RIMS1: variants seen among roughly 807,000 people sequenced by gnomAD.
RIMS1 encodes the protein regulating synaptic membrane exocytosis 1.
Under a neutral mutation model 214.1 loss-of-function variants are expected in RIMS1, and 83 were observed. That is an observed-to-expected ratio of 0.39 (90% CI 0.32 to 0.47). The LOEUF is 0.47. RIMS1 is among the 20% of genes least tolerant of loss of function. The pLI, the probability that RIMS1 is intolerant of heterozygous loss-of-function variation, is 0.99. For missense variants in RIMS1, 2,050 were observed against 2,161.8 expected (o/e 0.95, Z 1.03); for synonymous variants, 793 against 786.8 (o/e 1.01, Z -0.13).
intron 29 of RIMS1, among the ~76,000 whole-genome samples, chr6:72,337,258 G>A (rs1441663105): frequency 6.6e-6 from 1 of 151,678 alleles, no homozygotes; most frequent in Non-Finnish European, 1.5e-5. Flanking sequence ...GTAAGGAATT[G>A]TCTCCCCTCA....
chr6:72,267,632 C>T (rs2081201957), intron 22 of RIMS1, among the ~76,000 whole-genome samples: 1 of 152,144 alleles, frequency 6.6e-6, no homozygotes, highest in Non-Finnish European at 1.5e-5. Flanking sequence ...GGACTAACCA[C>T]ATTACGGTGC....
chr6:72,339,949 G>T (rs1019402689), intron 29 of RIMS1, among the ~76,000 whole-genome samples: 1 of 152,000 alleles, frequency 6.6e-6, no homozygotes, highest in Non-Finnish European at 1.5e-5. Flanking sequence ...AGCACCTGTT[G>T]TTTCCTGACT....
intron 2 of RIMS1, among the ~76,000 whole-genome samples, chr6:71,972,067 C>G (rs553889937): frequency 6.6e-6 from 1 of 151,924 alleles, no homozygotes; most frequent in African/African-American, 2.4e-5. Flanking sequence ...AAAATAAGAG[C>G]GAGCCCTAGG....
chr6:71,978,447 G>T (rs1172701740), intron 2 of RIMS1, among the ~76,000 whole-genome samples: 1 of 152,008 alleles, frequency 6.6e-6, no homozygotes, highest in Non-Finnish European at 1.5e-5. Context: ...CTGATAGTCT[G>T]TTGGGACAGA....
chr6:72,357,646 C>G (rs150442703), intron 29 of RIMS1, among the ~76,000 whole-genome samples: 1 of 152,308 alleles, frequency 6.6e-6, no homozygotes. Context: ...TACTTCCAAG[C>G]TCTTCAGTCT....
intron 29 of RIMS1, among the ~76,000 whole-genome samples, chr6:72,337,335 A>G (rs548253904): frequency 2.0e-5 from 3 of 151,828 alleles, no homozygotes; most frequent in Non-Finnish European, 2.9e-5. Context: ...AAATGAAGGC[A>G]TTATTGGGAA....
chr6:72,380,612 C>T (rs564769039), intron 29 of RIMS1, among the ~76,000 whole-genome samples: 2 of 152,276 alleles, frequency 1.3e-5, no homozygotes, highest in African/African-American at 2.4e-5. Context: ...TTTACTACTA[C>T]TGAGCAAATA....
At chr6:72,020,717 C>A (rs1221245713) in intron 2 of RIMS1, among the ~76,000 whole-genome samples, 1 of 152,172 alleles carries the variant, frequency 6.6e-6, no homozygotes, top group Non-Finnish European at 1.5e-5. Flanking sequence ...CAAAGAACTA[C>A]TGTCTCTTTA....
Position 72,316,943 on chromosome 6 carries a change from G to A in RIMS1, c.4130+3271G>A, listed in dbSNP as rs570234342. ...CTGAGGTGTCCTGCAGTAGAGTGGA[G>A]AGACCAGGCCCTAGGCTCTGTGGAG... On this transcript the variant is annotated intron_variant, in intron 28 of 33. Coordinates refer to ENST00000521978, the MANE Select transcript of RIMS1 (RefSeq NM_014989.7). 2.5e-3 allele frequency: 1,704 copies of A among 669,636 alleles called. 8 individuals are homozygous for A. The highest frequency in any genetic ancestry group is 5.9e-3 in the Middle Eastern group (14 of 2,366). 41.5% of individuals were successfully genotyped at this position (669,636 alleles called of 1,614,324 possible).
At chr6:72,133,295 T>C (rs919135199) in intron 4 of RIMS1, among the ~76,000 whole-genome samples, 2 of 151,586 alleles carry the variant, frequency 1.3e-5, no homozygotes, top group Non-Finnish European at 2.9e-5. Flanking sequence ...AGTGGCTCAG[T>C]CATTCATAGC....
intron 4 of RIMS1, among the ~76,000 whole-genome samples, chr6:72,123,983 A>G (rs1053564466): frequency 1.3e-5 from 2 of 151,760 alleles, no homozygotes; most frequent in African/African-American, 4.8e-5. Context: ...TTTAAGGTTA[A>G]TATTGTTATG....
intron 23 of RIMS1, among the ~76,000 whole-genome samples, chr6:72,282,883 G>C (rs2090828572): frequency 6.6e-6 from 1 of 151,926 alleles, no homozygotes; most frequent in South Asian, 2.1e-4. Context: ...ACATGAGTCT[G>C]AAAACACACA....
intron 6 of RIMS1, among the ~76,000 whole-genome samples, chr6:72,192,073 A>G (rs930123039): frequency 2.0e-5 from 3 of 152,208 alleles, no homozygotes; most frequent in Non-Finnish European, 4.4e-5. Flanking sequence ...GCCAGCTGCT[A>G]AGTACGTCTG....
rs75035004 is a variant in RIMS1 at position 72,098,846 on chromosome 6, G to A, written c.460-1129G>A. On this transcript the variant is annotated intron_variant, in intron 3 of 33. Transcript: ENST00000521978. ...CTCTCCTAATAGTGGTTTGTTATAG[G>A]CAATCATCATATGCCACCTTATAGG... Among the ~76,000 whole-genome samples, 311 of 152,168 alleles carry A rather than the reference G, an allele frequency of 2.0e-3. 1 individual carries two copies. The highest frequency in any genetic ancestry group is 7.2e-3 in the African/African-American group (298 of 41,514).
chr6:72,214,412 A>G (rs888918890), intron 6 of RIMS1, among the ~76,000 whole-genome samples: 2 of 152,108 alleles, frequency 1.3e-5, no homozygotes, highest in Non-Finnish European at 2.9e-5. Context: ...TTTCTGTTAG[A>G]AATGCAATTT....
intron 2 of RIMS1, among the ~76,000 whole-genome samples, chr6:72,005,529 T>C (rs1438940517): frequency 2.0e-5 from 3 of 152,220 alleles, no homozygotes; most frequent in Non-Finnish European, 4.4e-5. Flanking sequence ...TTATTTTAGC[T>C]TAAAAATTAT....
At chr6:72,045,209 T>C (rs2152107529) in intron 2 of RIMS1, among the ~76,000 whole-genome samples, 1 of 151,978 alleles carries the variant, frequency 6.6e-6, no homozygotes, top group East Asian at 1.9e-4. Context: ...TGCAAAGGGA[T>C]ATAAGGGTAC....
At chr6:72,029,997 T>G (rs1052793903) in intron 2 of RIMS1, among the ~76,000 whole-genome samples, 1 of 152,168 alleles carries the variant, frequency 6.6e-6, no homozygotes, top group African/African-American at 2.4e-5. Context: ...CGATTTGGCC[T>G]CGAGAAGTCA....
chr6:71,991,174 C>A (rs778854497), intron 2 of RIMS1, among the ~76,000 whole-genome samples: 41 of 151,828 alleles, frequency 2.7e-4, no homozygotes, highest in Admixed American at 7.9e-4. Context: ...ATATAGTAAC[C>A]ACTTTATTTT....
Sources: allele counts gnomAD v4.1 joint callset (sites outside exome capture counted in the v4.1 genomes callset), GRCh38; gene constraint gnomAD v4.1.1; transcripts MANE v1.5; gene names NCBI Gene and HGNC (gene_info 2026-07-23, HGNC 2026-07-21).